NTM: variants seen among roughly 807,000 people sequenced by gnomAD.
NTM encodes neurotrimin.
A neutral mutation model predicts 42.1 loss-of-function variants in NTM; 13 were observed. The ratio of observed to expected loss-of-function variants is 0.31; its 90% CI spans 0.20 to 0.49. The LOEUF is 0.49. Ranked by LOEUF, NTM falls within the 20% of genes least tolerant of loss-of-function variation. The pLI, the probability that NTM is intolerant of heterozygous loss-of-function variation, is 0.99. For synonymous variants in NTM, 187 were observed against 179.2 expected (o/e 1.04, Z -0.35); for missense variants, 373 against 452.8 (o/e 0.82, Z 1.60).
intron 1 of NTM, among the ~76,000 whole-genome samples, chr11:131,426,096 C>T (rs867482700): frequency 9.9e-5 from 15 of 152,056 alleles, no homozygotes; most frequent in Admixed American, 6.6e-5. Flanking sequence ...TCACTGAGGG[C>T]TGGGGGGTCT....
chr11:132,039,081 T>A (rs796425052), intron 2 of NTM, among the ~76,000 whole-genome samples: 47 of 152,306 alleles, frequency 3.1e-4, no homozygotes, highest in African/African-American at 1.0e-3. Context: ...AGGTAATCCC[T>A]CTGTCCAGAA....
rs1054778451 is a variant in NTM, at chr11:131,712,185, C to CA, written c.83-199370dup. 1.2e-3 allele frequency among the ~76,000 whole-genome samples: 153 copies of CA among 131,362 alleles called. 1 individual carries two copies. The South Asian group carries it at 0.019, about 16-fold the overall frequency. The allele number at this position is 131,362 out of a possible 152,430, so 86.2% of individuals were successfully genotyped here. A position where few individuals can be genotyped will look rare whatever the true frequency, so the allele number is the denominator to read the frequency against. ...AAAATTAAAAAATTAAAAAAAAAAA[C>CA]AAAAAAAAACCCCAAAACAAACAAA... On this transcript the variant is annotated intron_variant, in intron 1 of 8. Transcript: ENST00000683400.
At chr11:131,611,289 C>G (rs1546402) in intron 1 of NTM, among the ~76,000 whole-genome samples, 122,723 of 152,176 alleles carry the variant, frequency 0.81, 49,799 homozygotes, top group African/African-American at 0.91. Context: ...GGTAATAGCA[C>G]GATATCCTAG....
intron 7 of NTM, 171 bp from the exon 8 acceptor site, chr11:132,329,982 G>T: frequency 1.7e-6 from 1 of 602,900 alleles, no homozygotes; most frequent in Non-Finnish European, 2.1e-6. Context: ...ACCAGAGGGG[G>T]GTCACATAGG....
intron 1 of NTM, chr11:131,794,563 C>A: frequency 1.0e-6 from 1 of 985,126 alleles, no homozygotes. Flanking sequence ...TCACTGAGTT[C>A]TACAAGTGCT....
chr11:131,683,574 AC>A (rs2073345663), intron 1 of NTM, among the ~76,000 whole-genome samples: 1 of 152,130 alleles, frequency 6.6e-6, no homozygotes, highest in Non-Finnish European at 1.5e-5. Flanking sequence ...GCAGAAATAG[AC>A]CCTGGATGTG....
chr11:132,177,248 T>C (rs1482144285), intron 3 of NTM, among the ~76,000 whole-genome samples: 1 of 152,260 alleles, frequency 6.6e-6, no homozygotes, highest in Non-Finnish European at 1.5e-5. Context: ...GAAGTTCCTT[T>C]GAATTTGTTC....
intron 1 of NTM, among the ~76,000 whole-genome samples, chr11:131,751,668 G>A (rs2082557368): frequency 6.6e-6 from 1 of 152,052 alleles, no homozygotes; most frequent in Admixed American, 6.6e-5. Context: ...GCTGAGGCAG[G>A]AAAATCGCTT....
intron 2 of NTM, among the ~76,000 whole-genome samples, chr11:132,097,685 G>A (rs980983845): frequency 1.4e-4 from 21 of 152,252 alleles, no homozygotes; most frequent in African/African-American, 5.1e-4. Flanking sequence ...AGAATGTCTT[G>A]AACATAGAGC....
At chr11:131,422,320 G>T (rs913628806) in intron 1 of NTM, among the ~76,000 whole-genome samples, 1 of 152,172 alleles carries the variant, frequency 6.6e-6, no homozygotes, top group Non-Finnish European at 1.5e-5. Flanking sequence ...CCTTGCCGGG[G>T]TCTGAATGTG....
chr11:131,715,316 A>G (rs573628114), intron 1 of NTM, among the ~76,000 whole-genome samples: 17 of 152,342 alleles, frequency 1.1e-4, no homozygotes, highest in African/African-American at 3.8e-4. Flanking sequence ...GAGTCCAGCA[A>G]TACTTCCCAA....
intron 1 of NTM, among the ~76,000 whole-genome samples, chr11:131,835,112 G>A (rs181162657): frequency 2.0e-5 from 3 of 152,250 alleles, no homozygotes; most frequent in Admixed American, 6.5e-5. Context: ...TGTATTATAA[G>A]CAGAACAGGA....
chr11:132,204,230 G>A (rs1001702331), intron 3 of NTM, among the ~76,000 whole-genome samples: 1 of 152,194 alleles, frequency 6.6e-6, no homozygotes, highest in Non-Finnish European at 1.5e-5. Context: ...TTAATAAATG[G>A]TAATTATCAA....
rs116285915 is a variant in NTM, at chr11:131,638,016, C to G, written c.82+267128C>G. Among the ~76,000 whole-genome samples the G allele has an allele frequency of 4.9e-3, 740 of 152,246 alleles. 10 individuals are homozygous for G. The highest frequency in any genetic ancestry group is 0.017 in the African/African-American group (698 of 41,548). ...CCTCAGTAGCCGTATTTAACCAGGT[C>G]ACATGGCTACACCAAGCGTAACACA... On this transcript the variant is annotated intron_variant, in intron 1 of 8. Coordinates refer to ENST00000683400, the MANE Select transcript of NTM (RefSeq NM_001352005.2).
intron 5 of NTM, 150 bp downstream of exon 5, chr11:132,307,973 C>T: frequency 1.5e-6 from 1 of 678,718 alleles, no homozygotes; most frequent in Non-Finnish European, 2.3e-6. Context: ...CAGGAGCAAA[C>T]ATTTCAAACT....
chr11:131,422,246 G>GA (rs1451263284), intron 1 of NTM, among the ~76,000 whole-genome samples: 1 of 152,168 alleles, frequency 6.6e-6, no homozygotes, highest in Non-Finnish European at 1.5e-5. Flanking sequence ...TTCAGAACTT[G>GA]ATGCCTGGCC....
Position 132,284,244 on chromosome 11 carries a change from G to A in NTM, c.527-23445G>A, listed in dbSNP as rs529710841. On this transcript the variant is annotated intron_variant, in intron 4 of 8. Transcript: ENST00000683400. ...CTGAGGTAACAAAGTACCACAGCCT[G>A]GAGGGCTTCAACAACAGCAATGCAT... 4 of 152,332 alleles carry A rather than the reference G, an allele frequency of 2.6e-5. No individual in the cohort carries two copies. The South Asian group carries it at 8.3e-4, about 32-fold the overall frequency. 9.4% of individuals were successfully genotyped at this position (152,332 alleles called of 1,614,324 possible). A position where few individuals can be genotyped will look rare whatever the true frequency, so the allele number is the denominator to read the frequency against.
chr11:131,866,620 A>G (rs1393822841), intron 1 of NTM, among the ~76,000 whole-genome samples: 4 of 152,228 alleles, frequency 2.6e-5, no homozygotes, highest in Non-Finnish European at 5.9e-5. Context: ...TGCGCCCTCC[A>G]TGGCGCCCAA....
intron 2 of NTM, among the ~76,000 whole-genome samples, chr11:132,082,537 G>A (rs959478774): frequency 4.6e-5 from 7 of 152,178 alleles, no homozygotes; most frequent in Non-Finnish European, 7.3e-5. Flanking sequence ...TCCATCATGG[G>A]CATGATTAGG....
Sources: allele counts gnomAD v4.1 joint callset (sites outside exome capture counted in the v4.1 genomes callset), GRCh38; gene constraint gnomAD v4.1.1; transcripts MANE v1.5; gene names NCBI Gene and HGNC (gene_info 2026-07-23, HGNC 2026-07-21).